The following WASF3 variants were observed in gnomAD, a reference collection of about 807,000 sequenced individuals.
The protein encoded by WASF3 is WASP family member 3.
WASF3 carries 11 observed loss-of-function variants against 46.6 expected under a neutral mutation model. That is an observed-to-expected ratio of 0.24 (90% CI 0.15 to 0.39). The LOEUF (loss-of-function observed/expected upper bound fraction) is 0.39. Ranked by LOEUF, WASF3 falls within the 10% of genes least tolerant of loss-of-function variation. The probability of loss-of-function intolerance (pLI) is 1.00; values close to 1 mark genes in which losing one functional copy is unlikely to be tolerated. For missense variants in WASF3, 576 were observed against 669.8 expected, an observed-to-expected ratio of 0.86 and a Z score of 1.55; for synonymous variants, 242 against 259.7, an observed-to-expected ratio of 0.93 and a Z score of 0.65.
At chr13:26,672,422 T>C (rs1882947872) in intron 6 of WASF3, among the ~76,000 whole-genome samples, 1 of 152,238 alleles carries the variant, frequency 6.6e-6, no homozygotes, top group African/African-American at 2.4e-5. Flanking sequence ...GAGAAGCATA[T>C]GTGATTTGCA....
At chr13:26,674,146 G>T (rs563346060) in intron 6 of WASF3, among the ~76,000 whole-genome samples, 3 of 152,142 alleles carry the variant, frequency 2.0e-5, no homozygotes, top group Admixed American at 1.3e-4. Context: ...TGTTTGGTTC[G>T]CATGCGCTTG....
chr13:26,681,138 T>C lies in WASF3; in HGVS notation c.801T>C (p.Tyr267=), dbSNP rs576283538. The change falls in exon 8 of 10, where the codon TAT becomes TAC. Residue 267 remains tyrosine (Y), a synonymous_variant. Transcript: ENST00000335327. ...ACCCCCAGCCTGTGACCCCTTCCTA[T>C]GCAGCTGGTGACGTGCCACCACACG... ...SLHPQPVTPS[Y]AAGDVPPHGP... 6.5e-5 allele frequency: 105 copies of C among 1,614,174 alleles called. 3 individuals carry two copies. The South Asian group carries it at 1.1e-3, about 18-fold the overall frequency.
intron 4 of WASF3, among the ~76,000 whole-genome samples, chr13:26,666,671 A>G (rs9553881): frequency 0.31 from 47,003 of 151,862 alleles, 7,616 homozygotes; most frequent in East Asian, 0.57. Flanking sequence ...AGGCCGAGGC[A>G]GGCGGATCAT....
At chr13:26,671,657 T>C (rs1882927364) in intron 5 of WASF3, among the ~76,000 whole-genome samples, 2 of 152,206 alleles carry the variant, frequency 1.3e-5, no homozygotes, top group Non-Finnish European at 2.9e-5. Flanking sequence ...CAAGAGTACT[T>C]TTAACCTACA....
rs200879957 is a variant in WASF3 at position 26,670,153 on chromosome 13, A to AC, written c.423-1715dup. ...TGGATAAAGAAAATGTGGCACATAT[A>AC]CCCCATGGAATACTATGCAGCCATA... is the stretch of plus-strand genomic sequence containing the variant. On this transcript the variant is annotated intron_variant, in intron 5 of 9. Coordinates refer to ENST00000335327, the MANE Select transcript of WASF3 (RefSeq NM_006646.6). Among the ~76,000 whole-genome samples the AC allele has an allele frequency of 8.8e-3, 1,345 of 152,290 alleles. 28 individuals carry two copies. The highest frequency in any genetic ancestry group is 0.03 in the African/African-American group (1,234 of 41,538).
intron 1 of WASF3, among the ~76,000 whole-genome samples, chr13:26,570,485 G>A (rs185703148): frequency 2.6e-5 from 4 of 152,128 alleles, no homozygotes; most frequent in East Asian, 1.9e-4. Flanking sequence ...TTTTAAGACA[G>A]TATACATGTA....
chr13:26,577,474 A>G lies in WASF3; in HGVS notation c.-109+19655A>G, dbSNP rs907474640. 27 of 974,696 alleles carry G rather than the reference A, an allele frequency of 2.8e-5. 1 individual carries two copies. The highest frequency in any genetic ancestry group is 4.4e-4 in the Middle Eastern group (2 of 4,524). The allele number at this position is 974,696 out of a possible 1,614,324, so 60.4% of individuals were successfully genotyped here. ...TTCCAGACAGCATTGGAAAAGACAT[A>G]GAAAAGACTTGCCAATCCATTTATC... On this transcript the variant is annotated intron_variant, in intron 1 of 9. Transcript: ENST00000335327.
chr13:26,664,935 CAT>C (rs1211987508), intron 3 of WASF3, 91 bp from the exon 4 acceptor site: 2 of 1,331,286 alleles, frequency 1.5e-6, no homozygotes, highest in Admixed American at 1.8e-5. Context: ...CAAAATCCCA[CAT>C]GTTGACAGGA....
At chr13:26,553,686 G>A (rs1420981382), upstream of WASF3, among the ~76,000 whole-genome samples, 6 of 151,862 alleles carry the variant, frequency 4.0e-5, no homozygotes, top group South Asian at 2.1e-4. Flanking sequence ...TTGTGGTGGC[G>A]GGCGCCTGTA....
At chr13:26,594,963 A>G (rs1880417469) in intron 1 of WASF3, among the ~76,000 whole-genome samples, 1 of 152,182 alleles carries the variant, frequency 6.6e-6, no homozygotes, top group Non-Finnish European at 1.5e-5. Context: ...ACCATTTCCC[A>G]ACAACAACTT....
At chr13:26,599,650 A>G (rs1346552480) in intron 1 of WASF3, among the ~76,000 whole-genome samples, 2 of 152,204 alleles carry the variant, frequency 1.3e-5, no homozygotes, top group Non-Finnish European at 2.9e-5. Context: ...TTCAGCTGGT[A>G]TCTTCTTACC....
At chr13:26,570,794 G>A (rs1243073189) in intron 1 of WASF3, among the ~76,000 whole-genome samples, 1 of 152,152 alleles carries the variant, frequency 6.6e-6, no homozygotes, top group Non-Finnish European at 1.5e-5. Flanking sequence ...ATTGCAGGAG[G>A]TTTAATTTGG....
chr13:26,591,024 C>T (rs1228815351), intron 1 of WASF3, among the ~76,000 whole-genome samples: 1 of 151,114 alleles, frequency 6.6e-6, no homozygotes, highest in African/African-American at 2.4e-5. Context: ...GGGACTGAGC[C>T]ACGCAGGTGT....
the WASF3 span, among the ~76,000 whole-genome samples, chr13:26,546,968 C>T: frequency 6.6e-6 from 1 of 152,180 alleles, no homozygotes; most frequent in Non-Finnish European, 1.5e-5. Context: ...TCTCTACTTA[C>T]CATGTCTGAA....
chr13:26,568,013 C>T (rs1350827895), intron 1 of WASF3, among the ~76,000 whole-genome samples: 1 of 151,800 alleles, frequency 6.6e-6, no homozygotes, highest in Non-Finnish European at 1.5e-5. Flanking sequence ...CAGCAAGTGC[C>T]CCCTTGAGAT....
intron 1 of WASF3, among the ~76,000 whole-genome samples, chr13:26,559,051 A>G (rs1879197088): frequency 6.6e-6 from 1 of 152,210 alleles, no homozygotes; most frequent in Admixed American, 6.5e-5. Flanking sequence ...TAGCAGTTAA[A>G]CAATGCAGTG....
chr13:26,639,062 AATAAACCTCTTCTCTTT>A (rs1881916129), intron 2 of WASF3, among the ~76,000 whole-genome samples: 1 of 152,180 alleles, frequency 6.6e-6, no homozygotes, highest in Non-Finnish European at 1.5e-5. Flanking sequence ...TCATAAGCCA[AATAAACCTCTTCTCTTT>A]ATAAACTACC....
Position 26,594,455 on chromosome 13 carries a change from C to T in WASF3, c.-108-18506C>T, listed in dbSNP as rs74040616. On this transcript the variant is annotated intron_variant, in intron 1 of 9. Transcript: ENST00000335327. The stretch of plus-strand genomic sequence containing the variant: ...TTGTGGGAGTGATCGTCAGTTCCTC[C>T]GTTTCCTCTTGATCCTCAGCTAACT... Among the ~76,000 whole-genome samples, 955 of 152,292 alleles carry T rather than the reference C, an allele frequency of 6.3e-3. 11 individuals are homozygous for T. The highest frequency in any genetic ancestry group is 0.022 in the African/African-American group (906 of 41,566).
At chr13:26,571,573 C>T (rs921324123) in intron 1 of WASF3, among the ~76,000 whole-genome samples, 3 of 152,152 alleles carry the variant, frequency 2.0e-5, no homozygotes, top group African/African-American at 7.2e-5. Context: ...TATTTTTGGG[C>T]GTTCCATTCC....
Sources: allele counts gnomAD v4.1 joint callset (sites outside exome capture counted in the v4.1 genomes callset), GRCh38; gene constraint gnomAD v4.1.1; transcripts MANE v1.5; gene names NCBI Gene and HGNC (gene_info 2026-07-23, HGNC 2026-07-21).